Variants in NRXN1 observed in about 807,000 individuals in gnomAD.
NRXN1 encodes neurexin-1.
NRXN1 carries 39 observed loss-of-function variants against 150.9 expected under a neutral mutation model. The observed-to-expected ratio is 0.26, with a 90% confidence interval of 0.20 to 0.34. NRXN1 has a LOEUF of 0.34. Ranked by LOEUF, NRXN1 falls within the 10% of genes least tolerant of loss-of-function variation. The pLI is 1.00. For synonymous variants in NRXN1, 924 were observed against 757.0 expected (o/e 1.22, Z -3.62); for missense variants, 1,815 against 1,949.9 (o/e 0.93, Z 1.30).
At chr2:50,385,139 A>G (rs2081242884) in intron 17 of NRXN1, among the ~76,000 whole-genome samples, 1 of 152,194 alleles carries the variant, frequency 6.6e-6, no homozygotes, top group African/African-American at 2.4e-5. Context: ...CCCAAGCTAC[A>G]CTTTGAATGA....
At position 49,930,149 on chromosome 2, in the gene NRXN1, C is replaced by T. The variant is rs568744489; in HGVS notation, c.4217-7898G>A. Among the ~76,000 whole-genome samples, 104 of 152,202 alleles carry T rather than the reference C, an allele frequency of 6.8e-4. 2 individuals are homozygous for T. The highest frequency in any genetic ancestry group is 4.3e-4 in the Non-Finnish European group (29 of 68,002). On this transcript the variant is annotated intron_variant, in intron 22 of 22. Coordinates refer to ENST00000401669, the MANE Select transcript of NRXN1 (RefSeq NM_001330078.2). ...TAAACAACAGTTAGAGTGGTTGTAG[C>T]ACAGTGAGATTTAAGGGAGAGTGAG...
intron 17 of NRXN1, among the ~76,000 whole-genome samples, chr2:50,321,074 G>GTCTA (rs1295990832): frequency 1.3e-5 from 2 of 152,096 alleles, no homozygotes; most frequent in Non-Finnish European, 2.9e-5. Context: ...AATCATCACC[G>GTCTA]TCTACAGCCA....
chr2:50,609,301 A>T (rs536874226), intron 8 of NRXN1, among the ~76,000 whole-genome samples: 1 of 152,218 alleles, frequency 6.6e-6, no homozygotes, highest in Non-Finnish European at 1.5e-5. Context: ...TCTGTTCAAA[A>T]GTTATTAAGA....
At chr2:50,381,522 AACACACAC>A (rs59726557) in intron 17 of NRXN1, among the ~76,000 whole-genome samples, 14,952 of 128,488 alleles carry the variant, frequency 0.12, 1,049 homozygotes, top group African/African-American at 0.21. Flanking sequence ...CAGGCTTTTA[AACACACAC>A]ACACACACAC....
At chr2:50,931,640 T>TA (rs1382926677) in intron 2 of NRXN1, among the ~76,000 whole-genome samples, 4 of 150,918 alleles carry the variant, frequency 2.7e-5, no homozygotes, top group Middle Eastern at 3.4e-3. Flanking sequence ...ATGCACAGCA[T>TA]ATTAAAAGGA....
At chr2:50,384,419 T>C (rs1334781014) in intron 17 of NRXN1, among the ~76,000 whole-genome samples, 1 of 148,954 alleles carries the variant, frequency 6.7e-6, no homozygotes, top group Non-Finnish European at 1.5e-5. Context: ...GGCAGGCGAA[T>C]TGCTTGAACT....
At chr2:50,903,657 T>C (rs1002625281) in intron 5 of NRXN1, among the ~76,000 whole-genome samples, 1 of 152,198 alleles carries the variant, frequency 6.6e-6, no homozygotes, top group Non-Finnish European at 1.5e-5. Context: ...CTTCTCCTAA[T>C]GGAAAGCCTC....
chr2:50,640,905 C>A (rs1008812390), intron 5 of NRXN1, among the ~76,000 whole-genome samples: 2 of 152,042 alleles, frequency 1.3e-5, no homozygotes, highest in Admixed American at 1.3e-4. Context: ...ATATTATATT[C>A]TAAAGAGAAG....
intron 18 of NRXN1, among the ~76,000 whole-genome samples, chr2:50,232,429 C>T (rs2065033033): frequency 7.2e-6 from 1 of 138,910 alleles, no homozygotes; most frequent in Admixed American, 7.8e-5. Context: ...ACTCTGTTGC[C>T]AGGCTGGAGT....
intron 5 of NRXN1, among the ~76,000 whole-genome samples, chr2:50,649,263 C>CAT (rs1172186620): frequency 7.8e-6 from 1 of 128,640 alleles, no homozygotes; most frequent in East Asian, 2.0e-4. Flanking sequence ...CACACATACA[C>CAT]ACACACACAC....
chr2:50,996,417 G>A lies in NRXN1; in HGVS notation c.772+31085C>T, dbSNP rs184393249. 2.8e-4 allele frequency among the ~76,000 whole-genome samples: 43 copies of A among 152,126 alleles called. 1 individual carries two copies. Among genetic ancestry groups the A allele is most frequent in the African/African-American group, 1.0e-3 (42 of 41,514 alleles). Reference sequence around the variant, plus strand: ...GCTTTATCATTTAGAGTAAGCACAAGGCCAGTTTAAACCAGCTTAACTTTT... The same window carrying A: ...GCTTTATCATTTAGAGTAAGCACAAAGCCAGTTTAAACCAGCTTAACTTTT... On this transcript the variant is annotated intron_variant, in intron 2 of 22. Transcript: ENST00000401669.
chr2:50,400,280 T>C (rs2082312590), intron 17 of NRXN1, among the ~76,000 whole-genome samples: 1 of 152,148 alleles, frequency 6.6e-6, no homozygotes, highest in African/African-American at 2.4e-5. Context: ...TCCACATTAC[T>C]GAAATGGAAA....
At chr2:49,935,794 G>C (rs1481410641) in intron 22 of NRXN1, among the ~76,000 whole-genome samples, 3 of 152,110 alleles carry the variant, frequency 2.0e-5, no homozygotes, top group Admixed American at 1.3e-4. Context: ...ACAGGTATTT[G>C]ACACAAATTA....
In NRXN1 at chr2:50,399,594, C is replaced by T. The variant is rs561929369; in HGVS notation, c.3364+65848G>A. Among the ~76,000 whole-genome samples, 32 of 151,720 alleles carry T rather than the reference C, an allele frequency of 2.1e-4. No homozygotes were observed. In the South Asian group the frequency reaches 5.4e-3, roughly 26 times the overall value. On this transcript the variant is annotated intron_variant, in intron 17 of 22. Transcript: ENST00000401669. ...ATTCATGGGTGCCCCTTGCCCAGGG[C>T]CCATCACTTGTGTGCATGGAGTTAG...
intron 5 of NRXN1, among the ~76,000 whole-genome samples, chr2:50,707,822 A>T (rs1343967032): frequency 6.6e-6 from 1 of 152,148 alleles, no homozygotes; most frequent in Non-Finnish European, 1.5e-5. Context: ...ATATCCCATC[A>T]TTTGGACTTT....
chr2:50,035,140 C>T (rs1228807339), intron 21 of NRXN1, among the ~76,000 whole-genome samples: 1 of 152,114 alleles, frequency 6.6e-6, no homozygotes, highest in East Asian at 1.9e-4. Flanking sequence ...TTTGAAGTTA[C>T]AGAGGCTAGA....
intron 17 of NRXN1, among the ~76,000 whole-genome samples, chr2:50,436,835 C>G (rs1460421695): frequency 6.6e-6 from 1 of 151,902 alleles, no homozygotes; most frequent in Non-Finnish European, 1.5e-5. Context: ...CTTGCAATAC[C>G]CTTTGTGATG....
At chr2:50,658,251 A>G (rs774702867) in intron 5 of NRXN1, among the ~76,000 whole-genome samples, 11 of 151,856 alleles carry the variant, frequency 7.2e-5, no homozygotes, top group Non-Finnish European at 1.5e-4. Flanking sequence ...CCTCAAAACA[A>G]CGCTAGCTGA....
intron 5 of NRXN1, among the ~76,000 whole-genome samples, chr2:50,773,419 C>T (rs1448612449): frequency 6.6e-6 from 1 of 152,076 alleles, no homozygotes; most frequent in Non-Finnish European, 1.5e-5. Flanking sequence ...TCCTGTGTCC[C>T]TTTGCGGGGG....
Sources: allele counts gnomAD v4.1 joint callset (sites outside exome capture counted in the v4.1 genomes callset), GRCh38; gene constraint gnomAD v4.1.1; transcripts MANE v1.5; gene names NCBI Gene and HGNC (gene_info 2026-07-23, HGNC 2026-07-21).